LINGO2: variants seen among roughly 807,000 people sequenced by gnomAD.
The protein encoded by LINGO2 is leucine rich repeat and Ig domain containing 2, also known as leucine-rich repeat and immunoglobulin-like domain-containing nogo receptor-interacting protein 2.
A neutral mutation model predicts 30.6 loss-of-function variants in LINGO2; 14 were observed. The observed-to-expected ratio is 0.46, with a 90% CI of 0.30 to 0.72. The LOEUF is 0.72. LINGO2 is among the 30% of genes least tolerant of loss of function. The pLI is 0.07. For synonymous variants in LINGO2, 317 were observed against 288.5 expected, an observed-to-expected ratio of 1.10 and a Z score of -1.00; for missense variants, 729 against 751.7, an observed-to-expected ratio of 0.97 and a Z score of 0.35.
At chr9:29,011,458 G>A in the LINGO2 span, among the ~76,000 whole-genome samples, 2 of 152,058 alleles carry the variant, frequency 1.3e-5, no homozygotes, top group Non-Finnish European at 2.9e-5. Flanking sequence ...GCCTCCATGA[G>A]AAGAGTTTTC....
chr9:28,498,904 G>A (rs1229686415), intron 1 of LINGO2, among the ~76,000 whole-genome samples: 1 of 151,916 alleles, frequency 6.6e-6, no homozygotes, highest in East Asian at 1.9e-4. Context: ...ACTACATAAT[G>A]TGGTAGCAAT....
chr9:28,894,022 A>G, the LINGO2 span, among the ~76,000 whole-genome samples: 1 of 151,478 alleles, frequency 6.6e-6, no homozygotes, highest in Non-Finnish European at 1.5e-5. Context: ...TGTCCTTGCG[A>G]TAGTTTACTG....
At chr9:28,512,634 T>TATATAC (rs1820452226) in intron 1 of LINGO2, among the ~76,000 whole-genome samples, 1 of 6,446 alleles carries the variant, frequency 1.6e-4, no homozygotes, top group African/African-American at 2.8e-4. Flanking sequence ...TATATATATA[T>TATATAC]ATACACACAT....
rs552459430 is a variant in LINGO2 at position 28,479,954 on chromosome 9, T to C, written c.-364-3929A>G. ...ATATATATATATATATATATATATA[T>C]ATGTACATTTTGAGAGAAACTTAAA... On this transcript the variant is annotated intron_variant, in intron 1 of 5. Coordinates refer to ENST00000379992, the Ensembl canonical transcript of LINGO2. Among the ~76,000 whole-genome samples the C allele has an allele frequency of 4.4e-3, 532 of 120,466 alleles. 9 individuals carry two copies. Among genetic ancestry groups the C allele is most frequent in the African/African-American group, 0.015 (500 of 32,258 alleles). The allele number at this position is 120,466 out of a possible 152,430, so 79.0% of individuals were successfully genotyped here. A position where few individuals can be genotyped will look rare whatever the true frequency, so the allele number is the denominator to read the frequency against.
At chr9:28,011,830 C>T (rs1210106871) in intron 5 of LINGO2, among the ~76,000 whole-genome samples, 1 of 152,146 alleles carries the variant, frequency 6.6e-6, no homozygotes, top group Admixed American at 6.5e-5. Context: ...GAGATGCCTC[C>T]TGTGGTGGAC....
intron 4 of LINGO2, among the ~76,000 whole-genome samples, chr9:28,253,630 G>T (rs115738104): frequency 2.6e-5 from 4 of 152,188 alleles, no homozygotes; most frequent in South Asian, 2.1e-4. Flanking sequence ...TTTGAATGAC[G>T]AGGTTAAGAT....
chr9:29,013,645 T>C, the LINGO2 span, among the ~76,000 whole-genome samples: 1 of 152,156 alleles, frequency 6.6e-6, no homozygotes, highest in Non-Finnish European at 1.5e-5. Flanking sequence ...TGTAGTCTAG[T>C]AGTTGACACA....
the LINGO2 span, among the ~76,000 whole-genome samples, chr9:29,085,281 TAAAAAAAAAAAAAAA>T: frequency 2.1e-4 from 16 of 77,038 alleles, no homozygotes; most frequent in East Asian, 9.3e-4. Context: ...CTATGGTAAG[TAAAAAAAAAAAAAAA>T]AAAAAAAAAA....
At chr9:28,557,028 T>C (rs1822744653) in intron 1 of LINGO2, among the ~76,000 whole-genome samples, 2 of 151,150 alleles carry the variant, frequency 1.3e-5, no homozygotes, top group South Asian at 4.2e-4. Flanking sequence ...ACGTTAGACC[T>C]AAAACCATAA....
chr9:27,997,645 G>A (rs1821736373), intron 5 of LINGO2, among the ~76,000 whole-genome samples: 2 of 152,162 alleles, frequency 1.3e-5, no homozygotes, highest in Non-Finnish European at 2.9e-5. Context: ...TTGCTTTTAT[G>A]AGTTTGCACT....
Position 28,071,906 on chromosome 9 carries a change from A to G in LINGO2, c.-86-59501T>C, listed in dbSNP as rs1331246102. Among the ~76,000 whole-genome samples the G allele has an allele frequency of 3.3e-5, 5 of 152,324 alleles. No individual in the cohort carries two copies. The East Asian group carries it at 7.7e-4, about 24-fold the overall frequency. Reference sequence around the variant, plus strand: ...AAGACACTTCACCAATGAAATGACTATAACAGTTGGAGGCATTCAGTTCCC... The same window carrying G: ...AAGACACTTCACCAATGAAATGACTGTAACAGTTGGAGGCATTCAGTTCCC... On this transcript the variant is annotated intron_variant, in intron 4 of 5. Transcript: ENST00000379992.
At chr9:29,080,089 T>C in the LINGO2 span, among the ~76,000 whole-genome samples, 29,956 of 152,010 alleles carry the variant, frequency 0.2, 3,089 homozygotes, top group African/African-American at 0.24. Context: ...TTTTTTTGGT[T>C]GGTAGGCTAT....
At position 28,042,325 on chromosome 9, in the gene LINGO2, C is replaced by G. The variant is rs10119679; in HGVS notation, c.-86-29920G>C. The stretch of plus-strand genomic sequence containing the variant: ...TACAACTTGCTCCCTTTTGCTCTAC[C>G]CTGAGGAAATCAATCAGCTCCATAT... On this transcript the variant is annotated intron_variant, in intron 4 of 5. Transcript: ENST00000379992. Among the ~76,000 whole-genome samples, 586 of 152,174 alleles carry G rather than the reference C, an allele frequency of 3.9e-3. 3 individuals are homozygous for G. Among genetic ancestry groups the G allele is most frequent in the African/African-American group, 0.013 (557 of 41,510 alleles).
the LINGO2 span, among the ~76,000 whole-genome samples, chr9:28,762,046 T>C: frequency 6.6e-6 from 1 of 151,770 alleles, no homozygotes; most frequent in Non-Finnish European, 1.5e-5. Flanking sequence ...ACAGGATTTC[T>C]GAGTTGGAAG....
chr9:28,882,023 A>C, the LINGO2 span, among the ~76,000 whole-genome samples: 1 of 152,198 alleles, frequency 6.6e-6, no homozygotes. Flanking sequence ...TTTAAATCTG[A>C]AGCACACAGC....
At chr9:28,843,205 AAAT>A in the LINGO2 span, among the ~76,000 whole-genome samples, 5 of 151,784 alleles carry the variant, frequency 3.3e-5, 1 homozygote, top group African/African-American at 1.2e-4. Context: ...CCAGCATAGG[AAAT>A]AATACTAGGT....
intron 1 of LINGO2, among the ~76,000 whole-genome samples, chr9:28,479,855 G>GTA (rs1825868701): frequency 1.7e-5 from 1 of 60,552 alleles, no homozygotes; most frequent in African/African-American, 5.0e-5. Flanking sequence ...CTGTGTGTGT[G>GTA]TGTGTGTGTG....
chr9:28,118,657 A>G (rs1827005146), intron 4 of LINGO2, among the ~76,000 whole-genome samples: 2 of 152,218 alleles, frequency 1.3e-5, no homozygotes, highest in Non-Finnish European at 2.9e-5. Context: ...ATAAATTATA[A>G]TTGCAGCATT....
the LINGO2 span, among the ~76,000 whole-genome samples, chr9:29,085,491 AT>A: frequency 6.6e-6 from 1 of 151,890 alleles, no homozygotes. Flanking sequence ...CCTTCCTCCA[AT>A]TATTCGAAAA....
Sources: gnomAD v4.1 joint callset for allele counts (sites outside exome capture counted in the v4.1 genomes callset) on GRCh38, gnomAD v4.1.1 for gene constraint, MANE v1.5 for transcripts, NCBI Gene and HGNC (gene_info 2026-07-23, HGNC 2026-07-21) for gene names.